LOC128462377: variants seen among roughly 807,000 people sequenced by gnomAD.
chr16:89,358,256 G>A, the LOC128462377 span, among the ~76,000 whole-genome samples: 1 of 152,346 alleles, frequency 6.6e-6, no homozygotes, highest in South Asian at 2.1e-4. Flanking sequence ...GAGCTGTGCC[G>A]GCTTGCAGAA....
chr16:89,319,055 C>T, the LOC128462377 span, among the ~76,000 whole-genome samples: 2 of 152,188 alleles, frequency 1.3e-5, no homozygotes, highest in African/African-American at 2.4e-5. Flanking sequence ...GTAATGTTTA[C>T]AAGTTTAAGG....
chr16:89,406,490 GACA>G, the LOC128462377 span, among the ~76,000 whole-genome samples: 12 of 152,344 alleles, frequency 7.9e-5, no homozygotes, highest in Admixed American at 2.6e-4. Context: ...ACCGTGACAA[GACA>G]ACATGTTCGT....
chr16:89,396,259 G>C, the LOC128462377 span, among the ~76,000 whole-genome samples: 4 of 152,210 alleles, frequency 2.6e-5, no homozygotes, highest in African/African-American at 9.6e-5. Context: ...TCCACGTCGG[G>C]AGATGCACAC....
chr16:89,393,405 C>G, the LOC128462377 span, among the ~76,000 whole-genome samples: 1 of 150,872 alleles, frequency 6.6e-6, no homozygotes, highest in African/African-American at 2.4e-5. Flanking sequence ...CTCACTGCAA[C>G]CTCTGCCTCC....
chr16:89,352,867 C>A, the LOC128462377 span, among the ~76,000 whole-genome samples: 1 of 152,214 alleles, frequency 6.6e-6, no homozygotes, highest in African/African-American at 2.4e-5. Flanking sequence ...TTGTCCTTTC[C>A]CTCTTTTCTC....
At chr16:89,342,365 T>C in the LOC128462377 span, among the ~76,000 whole-genome samples, 40 of 152,338 alleles carry the variant, frequency 2.6e-4, no homozygotes, top group African/African-American at 9.4e-4. Flanking sequence ...TCGGAAAACG[T>C]TGAACTCCCC....
chr16:89,344,335 G>A, the LOC128462377 span, among the ~76,000 whole-genome samples: 1 of 152,160 alleles, frequency 6.6e-6, no homozygotes, highest in Non-Finnish European at 1.5e-5. Context: ...AAAGAGACAG[G>A]AGCTGCAACC....
At chr16:89,383,613 G>A in the LOC128462377 span, among the ~76,000 whole-genome samples, 228 of 152,288 alleles carry the variant, frequency 1.5e-3, 3 homozygotes, top group Middle Eastern at 0.024. Context: ...ATGGTGTCAC[G>A]TCGAGCCCCT....
the LOC128462377 span, among the ~76,000 whole-genome samples, chr16:89,394,090 A>G: frequency 6.6e-6 from 1 of 151,438 alleles, no homozygotes; most frequent in Non-Finnish European, 1.5e-5. Context: ...CCTCCTGGAG[A>G]CTCCACCCAT....
the LOC128462377 span, among the ~76,000 whole-genome samples, chr16:89,377,921 G>C: frequency 6.6e-6 from 1 of 151,890 alleles, no homozygotes; most frequent in African/African-American, 2.4e-5. Context: ...GAAATGATGA[G>C]GATGAAGACC....
chr16:89,394,182 G>A, the LOC128462377 span, among the ~76,000 whole-genome samples: 1 of 151,624 alleles, frequency 6.6e-6, no homozygotes, highest in East Asian at 2.0e-4. Flanking sequence ...ACGGGCAGGT[G>A]GCAGGAGCCT....
chr16:89,361,187 A>T, the LOC128462377 span, among the ~76,000 whole-genome samples: 1 of 152,036 alleles, frequency 6.6e-6, no homozygotes, highest in African/African-American at 2.4e-5. Context: ...ACCCTAAACC[A>T]CCACCTCTGC....
chr16:89,332,677 G>A, the LOC128462377 span, among the ~76,000 whole-genome samples: 7 of 152,306 alleles, frequency 4.6e-5, no homozygotes, highest in South Asian at 8.3e-4. Flanking sequence ...CGAGAGAGGC[G>A]CTGAGACCAG....
At chr16:89,322,214 C>A in the LOC128462377 span, among the ~76,000 whole-genome samples, 2 of 152,178 alleles carry the variant, frequency 1.3e-5, no homozygotes, top group East Asian at 3.8e-4. Context: ...AAACACCAAG[C>A]CCCCTTACAC....
chr16:89,410,824 G>A, the LOC128462377 span, among the ~76,000 whole-genome samples: 1 of 152,250 alleles, frequency 6.6e-6, no homozygotes, highest in African/African-American at 2.4e-5. Flanking sequence ...CTTAACAGAA[G>A]GGGGTGGGGA....
At chr16:89,387,646 C>G in the LOC128462377 span, among the ~76,000 whole-genome samples, 1 of 142,786 alleles carries the variant, frequency 7.0e-6, no homozygotes, top group Non-Finnish European at 1.5e-5. Flanking sequence ...GCACTCTAGC[C>G]TGGGCGACAG....
chr16:89,408,046 C>G, the LOC128462377 span, among the ~76,000 whole-genome samples: 9 of 152,256 alleles, frequency 5.9e-5, no homozygotes, highest in African/African-American at 2.2e-4. Context: ...GGTAGTGCCC[C>G]TGCCCTCAAG....
At chr16:89,408,979 G>A in the LOC128462377 span, among the ~76,000 whole-genome samples, 2 of 152,144 alleles carry the variant, frequency 1.3e-5, no homozygotes, top group South Asian at 2.1e-4. Flanking sequence ...GAGGAATACA[G>A]AAAAGGCGGC....
the LOC128462377 span, among the ~76,000 whole-genome samples, chr16:89,337,791 G>GA: frequency 3.3e-5 from 5 of 152,138 alleles, no homozygotes; most frequent in Non-Finnish European, 7.4e-5. Context: ...TTCCTAGGTG[G>GA]AAAGCAAGTT....
Sources: allele counts gnomAD v4.1 joint callset (sites outside exome capture counted in the v4.1 genomes callset), GRCh38; gene constraint gnomAD v4.1.1; transcripts MANE v1.5.